Variants in SUPT3H observed in about 807,000 individuals in gnomAD.
SUPT3H encodes SPT3 homolog, SAGA and STAGA complex component.
SUPT3H carries 44 observed loss-of-function variants against 44.3 expected under a neutral mutation model. That is an observed-to-expected ratio of 0.99 (90% CI 0.78 to 1.28). The LOEUF is 1.28. Ranked by LOEUF, SUPT3H falls within the 50% of genes most tolerant of loss-of-function variation. The pLI, the probability that SUPT3H is intolerant of heterozygous loss-of-function variation, is 0.00. For synonymous variants in SUPT3H, 124 were observed against 125.6 expected (o/e 0.99, Z 0.09); for missense variants, 380 against 387.1 (o/e 0.98, Z 0.15).
intron 2 of SUPT3H, among the ~76,000 whole-genome samples, chr6:45,238,190 C>G (rs1055639766): frequency 6.6e-6 from 1 of 152,052 alleles, no homozygotes; most frequent in African/African-American, 2.4e-5. Flanking sequence ...TTGTGCTGCC[C>G]CAACTCGAGA....
chr6:44,932,622 T>C, intron 10 of SUPT3H, 31 bp downstream of exon 10: 3 of 1,445,572 alleles, frequency 2.1e-6, no homozygotes, highest in Non-Finnish European at 2.8e-6. Flanking sequence ...ATATTATAAA[T>C]ATAACTTTTT....
intron 9 of SUPT3H, among the ~76,000 whole-genome samples, chr6:44,941,172 C>A (rs1032062702): frequency 6.6e-6 from 1 of 151,982 alleles, no homozygotes; most frequent in Non-Finnish European, 1.5e-5. Context: ...TGGAATTCTG[C>A]CAAATTGCCA....
At chr6:44,890,773 A>AATAATAATAAT (rs34596153) in intron 10 of SUPT3H, among the ~76,000 whole-genome samples, 38 of 150,444 alleles carry the variant, frequency 2.5e-4, no homozygotes, top group African/African-American at 7.8e-4. Flanking sequence ...ATAATAATAA[A>AATAATAATAAT]AAAAAAAGAA....
chr6:45,167,462 C>G (rs904369194), intron 2 of SUPT3H, among the ~76,000 whole-genome samples: 1 of 152,142 alleles, frequency 6.6e-6, no homozygotes, highest in Non-Finnish European at 1.5e-5. Context: ...TATTAAGAAA[C>G]CTTTTTGAAG....
chr6:45,126,592 C>A (rs1166387890), intron 2 of SUPT3H, among the ~76,000 whole-genome samples: 1 of 152,046 alleles, frequency 6.6e-6, no homozygotes, highest in Admixed American at 6.5e-5. Context: ...TGAAGATTTA[C>A]AGAATGTTCT....
At chr6:45,002,608 G>A (rs145729102) in intron 6 of SUPT3H, among the ~76,000 whole-genome samples, 21 of 152,052 alleles carry the variant, frequency 1.4e-4, no homozygotes, top group South Asian at 4.1e-4. Context: ...CATCTGCTTT[G>A]GACAACTTAG....
Position 45,287,678 on chromosome 6 carries a change from A to T in SUPT3H, c.101+77523T>A, listed in dbSNP as rs150144647. On this transcript the variant is annotated intron_variant, in intron 2 of 10. Coordinates refer to ENST00000371459, the MANE Select transcript of SUPT3H (RefSeq NM_003599.4). ...GTTTAGGAAGATGAAAAAGTTCTGG[A>T]GATGAATAGGTGTAATGATTATGCA... 2.1e-3 allele frequency among the ~76,000 whole-genome samples: 325 copies of T among 152,302 alleles called. 1 individual carries two copies. The highest frequency in any genetic ancestry group is 7.5e-3 in the African/African-American group (311 of 41,566).
Position 45,212,481 on chromosome 6 carries a change from A to ATGTGTGTGTG in SUPT3H, c.102-106485_102-106476dup, listed in dbSNP as rs11269206. Among the ~76,000 whole-genome samples, 196 of 43,342 alleles carry ATGTGTGTGTG rather than the reference A, an allele frequency of 4.5e-3. 4 individuals are homozygous for ATGTGTGTGTG. Among genetic ancestry groups the ATGTGTGTGTG allele is most frequent in the East Asian group, 0.015 (14 of 930 alleles). The allele number at this position is 43,342 out of a possible 152,430, so 28.4% of individuals were successfully genotyped here. ...TCTGAAACTTCCCTCCACCTCCACT[A>ATGTGTGTGTG]TGTGTGTGTGTGTGTGTGTGTGTGT... On this transcript the variant is annotated intron_variant, in intron 2 of 10. Transcript: ENST00000371459.
At chr6:44,858,268 A>C (rs544077238) in intron 10 of SUPT3H, among the ~76,000 whole-genome samples, 87 of 152,346 alleles carry the variant, frequency 5.7e-4, no homozygotes, top group African/African-American at 1.8e-3. Flanking sequence ...TTGAACAAAC[A>C]AATTAGTAAC....
intron 2 of SUPT3H, among the ~76,000 whole-genome samples, chr6:45,232,406 T>C (rs1768226553): frequency 1.3e-5 from 2 of 152,206 alleles, no homozygotes; most frequent in Non-Finnish European, 1.5e-5. Context: ...AAGACAGAGA[T>C]GCCAGGTGGG....
chr6:45,242,318 A>C (rs983465167), intron 2 of SUPT3H, among the ~76,000 whole-genome samples: 1 of 152,222 alleles, frequency 6.6e-6, no homozygotes, highest in Non-Finnish European at 1.5e-5. Flanking sequence ...AGGTAGAGGC[A>C]ACTGAAGTGC....
At chr6:44,894,073 GT>G (rs1479947032) in intron 10 of SUPT3H, among the ~76,000 whole-genome samples, 5 of 136,888 alleles carry the variant, frequency 3.7e-5, no homozygotes, top group African/African-American at 1.3e-4. Flanking sequence ...GGGGTTGTTT[GT>G]TTTTTTCTTG....
chr6:45,070,739 C>CCAA (rs1794240879), intron 3 of SUPT3H, among the ~76,000 whole-genome samples: 1 of 102,846 alleles, frequency 9.7e-6, no homozygotes, highest in Non-Finnish European at 1.8e-5. Flanking sequence ...CTGTCTCAAA[C>CCAA]AAAAAAAAAA....
chr6:45,356,255 T>C (rs1201816186), intron 2 of SUPT3H, among the ~76,000 whole-genome samples: 2 of 152,092 alleles, frequency 1.3e-5, no homozygotes, highest in East Asian at 3.8e-4. Context: ...CCAAAAAAGA[T>C]ATATTTGCAA....
chr6:45,137,360 C>G (rs1227024236), intron 2 of SUPT3H, among the ~76,000 whole-genome samples: 3 of 151,864 alleles, frequency 2.0e-5, no homozygotes, highest in Non-Finnish European at 4.4e-5. Context: ...TGGGGGTAAA[C>G]ATAAAAGACT....
chr6:45,185,161 A>G (rs1813976752), intron 2 of SUPT3H, among the ~76,000 whole-genome samples: 1 of 152,162 alleles, frequency 6.6e-6, no homozygotes, highest in African/African-American at 2.4e-5. Flanking sequence ...TACAGGGTGC[A>G]GCAGCAAGCT....
At chr6:45,371,671 G>C (rs1018032396) in intron 1 of SUPT3H, among the ~76,000 whole-genome samples, 1 of 152,156 alleles carries the variant, frequency 6.6e-6, no homozygotes, top group African/African-American at 2.4e-5. Context: ...ATAGCAGTCA[G>C]GGGACTTACA....
intron 4 of SUPT3H, among the ~76,000 whole-genome samples, chr6:45,015,795 GCGCACACACACA>G (rs1405320627): frequency 1.2e-4 from 18 of 149,538 alleles, no homozygotes; most frequent in African/African-American, 4.5e-4. Flanking sequence ...ACACACGCGC[GCGCACACACACA>G]CACACACACA....
At chr6:45,355,927 A>C (rs943790543) in intron 2 of SUPT3H, among the ~76,000 whole-genome samples, 2 of 152,142 alleles carry the variant, frequency 1.3e-5, no homozygotes, top group African/African-American at 4.8e-5. Context: ...TTTCCCTATT[A>C]AACACACATT....
Sources: allele counts gnomAD v4.1 joint callset (sites outside exome capture counted in the v4.1 genomes callset), GRCh38; gene constraint gnomAD v4.1.1; transcripts MANE v1.5; gene names NCBI Gene and HGNC (gene_info 2026-07-23, HGNC 2026-07-21).